Variants in MGAM2 observed in about 807,000 individuals in gnomAD.
MGAM2 encodes the protein maltase-glucoamylase 2 (putative).
MGAM2 carries 98 observed loss-of-function variants against 96.1 expected under a neutral mutation model. The observed-to-expected ratio is 1.02, with a 90% CI of 0.87 to 1.21. The LOEUF (loss-of-function observed/expected upper bound fraction) is 1.21. Among genes scored for constraint, MGAM2 ranks in the 50% most tolerant of loss-of-function variants. The pLI is 0.00. For synonymous variants in MGAM2, 749 were observed against 414.8 expected (o/e 1.81, Z -9.79); for missense variants, 2,055 against 1,182.4 (o/e 1.74, Z -10.82).
intron 9 of MGAM2, 86 bp from the exon 10 acceptor site, chr7:142,138,456 T>C (rs889221119): frequency 6.2e-6 from 4 of 642,572 alleles, no homozygotes; most frequent in Non-Finnish European, 1.1e-5. Context: ...CTCTTAGCTC[T>C]GACGTTTTCA....
Position 142,146,806 on chromosome 7 carries a change from C to A in MGAM2, c.1517-650C>A, listed in dbSNP as rs143225474. Among the ~76,000 whole-genome samples the A allele has an allele frequency of 3.0e-3, 459 of 151,860 alleles. 1 individual carries two copies. Among genetic ancestry groups the A allele is most frequent in the African/African-American group, 0.01 (422 of 41,418 alleles). ...GCAGTGGCACGATCTCGGCTCATTG[C>A]CACCTCCGCCTCCCGGGCTCAAGTG... On this transcript the variant is annotated intron_variant, in intron 14 of 47. Transcript: ENST00000477922.
chr7:142,168,244 G>T (rs1224803308), intron 26 of MGAM2, among the ~76,000 whole-genome samples: 1 of 151,474 alleles, frequency 6.6e-6, no homozygotes, highest in African/African-American at 2.4e-5. Flanking sequence ...CTGGGCTGGG[G>T]CCTAGCCTGA....
chr7:142,131,014 T>G lies in MGAM2; in HGVS notation c.253T>G (p.Phe85Val), dbSNP rs1349982584. 1.4e-6 allele frequency: 1 copy of G among 702,584 alleles called. No homozygotes were observed. Among genetic ancestry groups the G allele is most frequent in the South Asian group, 1.5e-5 (1 of 67,594 alleles). 43.5% of individuals were successfully genotyped at this position (702,584 alleles called of 1,614,324 possible). A position where few individuals can be genotyped will look rare whatever the true frequency, so the allele number is the denominator to read the frequency against. The change falls in exon 4 of 48, where the codon TTC becomes GTC. Residue 85 changes from phenylalanine to valine, a missense_variant. Coordinates refer to ENST00000477922, the MANE Select transcript of MGAM2 (RefSeq NM_001293626.2). ...PVADANVPRC[F>V]FPWNWGYEAS... ...GGCAGATGCCAATGTCCCTAGGTGC[T>G]TCTTCCCCTGGAACTGGGGCTATGA...
rs754789289 is a variant in MGAM2 at position 142,136,658 on chromosome 7, A to G, written c.847+18A>G. 2.3e-4 allele frequency: 155 copies of G among 683,810 alleles called. No homozygotes were observed. The highest frequency in any genetic ancestry group is 5.4e-4 in the South Asian group (34 of 63,410). The allele number at this position is 683,810 out of a possible 1,614,324, so 42.4% of individuals were successfully genotyped here. ...TGCCATGGGTAGGAAGCATCTTTTT[A>G]TCTTCTGTAGGTAGGAATACGTTTT... On this transcript the variant is annotated intron_variant, in intron 8 of 47. Transcript: ENST00000477922.
intron 37 of MGAM2, 57 bp from the exon 38 acceptor site, chr7:142,196,097 T>C (rs1797024719): frequency 2.6e-6 from 2 of 762,020 alleles, no homozygotes; most frequent in Admixed American, 4.0e-5. Flanking sequence ...AAGCTGCAGT[T>C]ATTCTCTGTA....
chr7:142,196,478 T>C, intron 38 of MGAM2, 87 bp from the exon 39 acceptor site: 1 of 700,110 alleles, frequency 1.4e-6, no homozygotes, highest in South Asian at 1.5e-5. Context: ...CAGGGCTTTC[T>C]AATGGGGTAA....
chr7:142,209,502 G>A (rs929961422), intron 46 of MGAM2, among the ~76,000 whole-genome samples: 5 of 152,220 alleles, frequency 3.3e-5, no homozygotes, highest in Admixed American at 2.6e-4. Context: ...ATTAGAGTAT[G>A]AGGAGAATCA....
At chr7:142,155,511 G>A (rs1487408649) in intron 17 of MGAM2, among the ~76,000 whole-genome samples, 3 of 152,184 alleles carry the variant, frequency 2.0e-5, no homozygotes, top group African/African-American at 7.2e-5. Flanking sequence ...GCTCTTAATA[G>A]GTTCATTAGA....
intron 12 of MGAM2, among the ~76,000 whole-genome samples, chr7:142,143,177 T>A (rs1343234129): frequency 1.3e-5 from 2 of 152,234 alleles, no homozygotes; most frequent in African/African-American, 4.8e-5. Flanking sequence ...AAAACTGGTA[T>A]CCTTTTAATT....
chr7:142,214,898 C>T (rs1797707071), intron 46 of MGAM2, among the ~76,000 whole-genome samples: 1 of 152,118 alleles, frequency 6.6e-6, no homozygotes, highest in Non-Finnish European at 1.5e-5. Flanking sequence ...TGTGGTGATT[C>T]CTCAAGGATC....
At position 142,167,631 on chromosome 7, in the gene MGAM2, G is replaced by A. The variant is rs922888712; in HGVS notation, c.3027+145G>A. ...ACTGACACCCAGGCTGGAATGCAGGGGCACAATCTCAGGTCACTGTAACTT... is the reference window on the plus strand; with the variant it reads ...ACTGACACCCAGGCTGGAATGCAGGAGCACAATCTCAGGTCACTGTAACTT... On this transcript the variant is annotated intron_variant, in intron 26 of 47. Coordinates refer to ENST00000477922, the MANE Select transcript of MGAM2 (RefSeq NM_001293626.2). 10 of 620,842 alleles carry A rather than the reference G, an allele frequency of 1.6e-5. No homozygotes were observed. The African/African-American group carries it at 1.8e-4, about 11-fold the overall frequency. The allele number at this position is 620,842 out of a possible 1,614,324, so 38.5% of individuals were successfully genotyped here. A position where few individuals can be genotyped will look rare whatever the true frequency, so the allele number is the denominator to read the frequency against.
rs1477861883 is a variant in MGAM2, at chr7:142,131,614, G to A, written c.407G>A (p.Arg136Gln). Residue 136 changes from arginine (R) to glutamine (Q), a missense_variant, in exon 5 of 48, where the codon CGG becomes CAG. Transcript: ENST00000477922. ...LFTAEYQTSN[R>Q]FHFKITDFNN... is the part of the protein sequence containing the mutation. Reference sequence around the variant, plus strand: ...ACAGCTGAATATCAGACATCCAATCGGTTTCATTTTAAGGTTGGTTTGGGA... The same window carrying A: ...ACAGCTGAATATCAGACATCCAATCAGTTTCATTTTAAGGTTGGTTTGGGA... 16 of 702,898 alleles carry A rather than the reference G, an allele frequency of 2.3e-5. No homozygotes were observed. The highest frequency in any genetic ancestry group is 5.4e-5 in the East Asian group (2 of 37,290). The allele number at this position is 702,898 out of a possible 1,614,324, so 43.5% of individuals were successfully genotyped here.
intron 37 of MGAM2, among the ~76,000 whole-genome samples, chr7:142,195,178 C>T (rs10273998): frequency 0.66 from 99,804 of 150,770 alleles, 33,027 homozygotes; most frequent in Admixed American, 0.7. Flanking sequence ...ACTACAGACA[C>T]ACGTGCACCA....
At chr7:142,190,936 G>A (rs575813157) in intron 37 of MGAM2, among the ~76,000 whole-genome samples, 195 of 151,824 alleles carry the variant, frequency 1.3e-3, no homozygotes, top group African/African-American at 4.6e-3. Flanking sequence ...GGAGTCCGAG[G>A]GCAGCTTGGG....
At chr7:142,147,267 T>C (rs1795414909) in intron 14 of MGAM2, among the ~76,000 whole-genome samples, 189 bp from the exon 15 acceptor site, 1 of 152,224 alleles carries the variant, frequency 6.6e-6, no homozygotes, top group Admixed American at 6.5e-5. Flanking sequence ...ATAATCCATC[T>C]CCTTGGAGGT....
At position 142,174,715 on chromosome 7, in the gene MGAM2, C is replaced by CTCTTTTTTTT. The variant is rs1194981898; in HGVS notation, c.3688-936_3688-935insCTTTTTTTTT. Among the ~76,000 whole-genome samples, 229 of 85,458 alleles carry CTCTTTTTTTT rather than the reference C, an allele frequency of 2.7e-3. 3 individuals carry two copies. The highest frequency in any genetic ancestry group is 0.012 in the African/African-American group (217 of 17,594). 56.1% of individuals were successfully genotyped at this position (85,458 alleles called of 152,430 possible). A position where few individuals can be genotyped will look rare whatever the true frequency, so the allele number is the denominator to read the frequency against. On this transcript the variant is annotated intron_variant, in intron 31 of 47. Coordinates refer to ENST00000477922, the MANE Select transcript of MGAM2 (RefSeq NM_001293626.2). Reference sequence around the variant, plus strand: ...ATGCCCTTTATTTCTCTCTCTCTCTCTTTTTTTTTTTTTTTTTTGAGTTGG... The same window carrying CTCTTTTTTTT: ...ATGCCCTTTATTTCTCTCTCTCTCTCTCTTTTTTTTTTTTTTTTTTTTTTTTTTGAGTTGG...
At chr7:142,167,728 A>G (rs1032642708) in intron 26 of MGAM2, among the ~76,000 whole-genome samples, 9 of 152,150 alleles carry the variant, frequency 5.9e-5, no homozygotes, top group Admixed American at 5.2e-4. Flanking sequence ...GTGCTCCGAC[A>G]CACCTGGCTA....
At chr7:142,157,265 C>A (rs936235704) in intron 17 of MGAM2, among the ~76,000 whole-genome samples, 1 of 151,914 alleles carries the variant, frequency 6.6e-6, no homozygotes, top group Admixed American at 6.6e-5. Context: ...ATATGAGAAA[C>A]CTCAATATGT....
At chr7:142,161,272 C>A (rs12703440) in intron 22 of MGAM2, 59 bp downstream of exon 22, 199,278 of 692,248 alleles carry the variant, frequency 0.29, 30,697 homozygotes, top group Non-Finnish European at 0.32. Context: ...GAAAATTAGT[C>A]ATCATAGGCT....
Sources: gnomAD v4.1 joint callset for allele counts (sites outside exome capture counted in the v4.1 genomes callset) on GRCh38, gnomAD v4.1.1 for gene constraint, MANE v1.5 for transcripts, NCBI Gene and HGNC (gene_info 2026-07-23, HGNC 2026-07-21) for gene names.